The following DTNB variants were observed in gnomAD, a reference collection of about 807,000 sequenced individuals.
DTNB encodes dystrobrevin beta.
A neutral mutation model predicts 90.7 loss-of-function variants in DTNB; 63 were observed. That is an observed-to-expected ratio of 0.69 (90% CI 0.57 to 0.86). The LOEUF is 0.86. Among genes scored for constraint, DTNB ranks in the 40% least tolerant of loss-of-function variants. DTNB has a pLI of 0.00. For synonymous variants in DTNB, 277 were observed against 286.7 expected (o/e 0.97, Z 0.34); for missense variants, 744 against 807.1 (o/e 0.92, Z 0.95).
chr2:25,380,452 CAT>C (rs1392187269), intron 19 of DTNB, among the ~76,000 whole-genome samples: 5 of 152,222 alleles, frequency 3.3e-5, no homozygotes, highest in African/African-American at 1.2e-4. Context: ...GAGAGCCAAA[CAT>C]AAAAAACTCT....
chr2:25,553,925 A>C (rs1237770246), intron 8 of DTNB, among the ~76,000 whole-genome samples: 1 of 152,132 alleles, frequency 6.6e-6, no homozygotes, highest in Non-Finnish European at 1.5e-5. Context: ...GCTCAGCGGC[A>C]AATAGCTTTG....
intron 9 of DTNB, among the ~76,000 whole-genome samples, chr2:25,502,297 G>A (rs923398459): frequency 6.6e-6 from 1 of 152,174 alleles, no homozygotes; most frequent in Non-Finnish European, 1.5e-5. Context: ...ATTGCCATCA[G>A]CAAAACTGAT....
At chr2:25,527,357 T>C (rs2077365165) in intron 9 of DTNB, among the ~76,000 whole-genome samples, 1 of 152,118 alleles carries the variant, frequency 6.6e-6, no homozygotes, top group African/African-American at 2.4e-5. Flanking sequence ...ACCCCGTCTC[T>C]ACCAAAATTA....
chr2:25,466,419 C>T (rs1393227899), intron 10 of DTNB, among the ~76,000 whole-genome samples: 1 of 152,194 alleles, frequency 6.6e-6, no homozygotes, highest in Non-Finnish European at 1.5e-5. Context: ...CAAAGCTTGA[C>T]CCTGAACCCA....
Position 25,558,135 on chromosome 2 carries a change from T to C in DTNB, c.876+18703A>G, listed in dbSNP as rs1252706544. The C allele has an allele frequency of 1.2e-5, 11 of 924,410 alleles. No individual in the cohort carries two copies. The East Asian group carries it at 1.3e-3, about 108-fold the overall frequency. 57.3% of individuals were successfully genotyped at this position (924,410 alleles called of 1,614,324 possible). A position where few individuals can be genotyped will look rare whatever the true frequency, so the allele number is the denominator to read the frequency against. ...CCAAAGGCTTAATGAGTAATTAACA[T>C]GCACATTTCATAGCTAGACATTTCG... On this transcript the variant is annotated intron_variant, in intron 8 of 20. Coordinates refer to ENST00000406818, the MANE Select transcript of DTNB (RefSeq NM_021907.5).
chr2:25,586,458 C>T (rs533612620), intron 6 of DTNB, among the ~76,000 whole-genome samples: 1 of 146,424 alleles, frequency 6.8e-6, no homozygotes, highest in Admixed American at 7.0e-5. Context: ...TGCAGTGAGT[C>T]GAGATTGCGC....
At chr2:25,526,393 A>ATTTT (rs1417545308) in intron 9 of DTNB, among the ~76,000 whole-genome samples, 71 of 59,430 alleles carry the variant, frequency 1.2e-3, no homozygotes, top group African/African-American at 5.4e-3. Flanking sequence ...ATATATATAT[A>ATTTT]TATTTTTTTT....
At chr2:25,627,008 C>A (rs1434253027) in intron 4 of DTNB, among the ~76,000 whole-genome samples, 2 of 152,236 alleles carry the variant, frequency 1.3e-5, no homozygotes, top group Non-Finnish European at 2.9e-5. Context: ...TGCAGCAAAT[C>A]ATTTCCGTTT....
intron 9 of DTNB, among the ~76,000 whole-genome samples, chr2:25,487,451 T>C (rs1575031252): frequency 6.6e-6 from 1 of 152,224 alleles, no homozygotes; most frequent in African/African-American, 2.4e-5. Context: ...ATAGGTTATA[T>C]GCAAATACTA....
intron 9 of DTNB, among the ~76,000 whole-genome samples, chr2:25,521,873 G>T (rs929100568): frequency 1.3e-5 from 2 of 152,334 alleles, no homozygotes; most frequent in Admixed American, 6.5e-5. Flanking sequence ...TGTGTGCAGC[G>T]GAAGACACTG....
At chr2:25,458,346 G>A (rs2060376379) in intron 10 of DTNB, among the ~76,000 whole-genome samples, 1 of 151,684 alleles carries the variant, frequency 6.6e-6, no homozygotes, top group African/African-American at 2.4e-5. Context: ...TAAAATTAAA[G>A]GAGCACTGGC....
intron 1 of DTNB, among the ~76,000 whole-genome samples, chr2:25,662,516 G>A (rs776898173): frequency 1.5e-4 from 23 of 152,058 alleles, no homozygotes; most frequent in Non-Finnish European, 3.2e-4. Context: ...GAGGTACCTG[G>A]GGCACAAAAT....
chr2:25,418,536 TA>T (rs1553352172), intron 16 of DTNB, among the ~76,000 whole-genome samples: 1 of 151,942 alleles, frequency 6.6e-6, no homozygotes, highest in Non-Finnish European at 1.5e-5. Flanking sequence ...CTGTCTCTAC[TA>T]AAAATACAAA....
intron 1 of DTNB, chr2:25,672,645 T>C (rs1574330203): frequency 1.3e-5 from 2 of 152,134 alleles, no homozygotes; most frequent in Admixed American, 6.5e-5. Context: ...CGAAAGTAAA[T>C]AGGGCATGCG....
At chr2:25,583,154 G>A (rs1404770612) in intron 6 of DTNB, among the ~76,000 whole-genome samples, 2 of 150,676 alleles carry the variant, frequency 1.3e-5, no homozygotes, top group African/African-American at 4.9e-5. Flanking sequence ...GGCTGAGACA[G>A]GATAATGGCT....
chr2:25,440,135 C>T (rs191477935), intron 12 of DTNB, among the ~76,000 whole-genome samples: 55 of 152,296 alleles, frequency 3.6e-4, no homozygotes, highest in African/African-American at 1.2e-3. Context: ...CTTAATTGAT[C>T]TCTACTTAGT....
chr2:25,672,749 C>G (rs1416531960), intron 1 of DTNB: 1 of 152,190 alleles, frequency 6.6e-6, no homozygotes, highest in Admixed American at 6.5e-5. Flanking sequence ...CATACTATTT[C>G]GTGGCCCCAG....
intron 16 of DTNB, among the ~76,000 whole-genome samples, chr2:25,413,759 T>C (rs1270330947): frequency 1.3e-5 from 2 of 152,234 alleles, no homozygotes; most frequent in Admixed American, 6.5e-5. Flanking sequence ...TGTGTCTTTA[T>C]AGCAGCATGA....
At chr2:25,378,056 G>A (rs1000335614) in intron 20 of DTNB, among the ~76,000 whole-genome samples, 9 of 152,222 alleles carry the variant, frequency 5.9e-5, no homozygotes, top group Non-Finnish European at 2.9e-5. Context: ...GGAGCTTCTG[G>A]TGTGGGGCAT....
Sources: allele counts gnomAD v4.1 joint callset (sites outside exome capture counted in the v4.1 genomes callset), GRCh38; gene constraint gnomAD v4.1.1; transcripts MANE v1.5; gene names NCBI Gene and HGNC (gene_info 2026-07-23, HGNC 2026-07-21).